Variants in PFKP observed in about 807,000 individuals in gnomAD.
The protein encoded by PFKP is phosphofructokinase, platelet.
In PFKP, 101 loss-of-function variants were observed where a neutral mutation model predicts 94.3. The observed-to-expected ratio is 1.07, with a 90% confidence interval of 0.91 to 1.26. The LOEUF is 1.26. Ranked by LOEUF, PFKP falls within the 50% of genes most tolerant of loss-of-function variation. The pLI, the probability that PFKP is intolerant of heterozygous loss-of-function variation, is 0.00. For synonymous variants in PFKP, 573 were observed against 432.6 expected, an observed-to-expected ratio of 1.32 and a Z score of -4.03; for missense variants, 1,145 against 1,103.3, an observed-to-expected ratio of 1.04 and a Z score of -0.53.
At chr10:3,079,275 C>G (rs576505590) in intron 1 of PFKP, among the ~76,000 whole-genome samples, 1 of 152,024 alleles carries the variant, frequency 6.6e-6, no homozygotes, top group South Asian at 2.1e-4. Context: ...CGCTCTGTCG[C>G]CCAGGCTGGA....
chr10:3,071,771 T>C (rs1048691402), intron 1 of PFKP, among the ~76,000 whole-genome samples: 5 of 152,206 alleles, frequency 3.3e-5, no homozygotes, highest in African/African-American at 1.2e-4. Flanking sequence ...ACAGTATTTA[T>C]AGAAAGTCCA....
At position 3,129,541 on chromosome 10, in the gene PFKP, G is replaced by T. The variant is rs1838317242; in HGVS notation, c.1684-278G>T. On this transcript the variant is annotated intron_variant, in intron 16 of 21. Coordinates refer to ENST00000381125, the MANE Select transcript of PFKP (RefSeq NM_002627.5). The stretch of plus-strand genomic sequence containing the variant: ...GTCGTCTTTTCCGTCCCCTTCTATG[G>T]GGCCTGGGAGAAGGGAGCGGCAGAT... The T allele has an allele frequency of 9.0e-6, 4 of 443,474 alleles. No homozygotes were observed. In the South Asian group the frequency reaches 1.1e-4, roughly 13 times the overall value. The allele number at this position is 443,474 out of a possible 1,614,324, so 27.5% of individuals were successfully genotyped here.
intron 2 of PFKP, among the ~76,000 whole-genome samples, chr10:3,095,089 A>C (rs1588445425): frequency 6.6e-6 from 1 of 152,318 alleles, no homozygotes; most frequent in East Asian, 1.9e-4. Flanking sequence ...GATTGGAAAA[A>C]AGCATTATCC....
At chr10:3,116,155 C>T (rs1480021918) in intron 13 of PFKP, among the ~76,000 whole-genome samples, 3 of 150,374 alleles carry the variant, frequency 2.0e-5, no homozygotes, top group Non-Finnish European at 4.4e-5. Flanking sequence ...TATACATACA[C>T]ACCTTGTACA....
chr10:3,112,313 C>T (rs1338633648), intron 11 of PFKP, 27 bp downstream of exon 11: 5 of 1,584,116 alleles, frequency 3.2e-6, no homozygotes, highest in Non-Finnish European at 4.3e-6. Context: ...AAAGCTCTGC[C>T]CTGTCAGGAA....
intron 16 of PFKP, among the ~76,000 whole-genome samples, chr10:3,127,109 G>GGCC (rs757738718): frequency 1.3e-5 from 2 of 152,256 alleles, no homozygotes; most frequent in Non-Finnish European, 2.9e-5. Context: ...CCTGAGGCAC[G>GGCC]GCCGGAGTGA....
Position 3,103,841 on chromosome 10 carries a change from T to C in PFKP, c.517T>C (p.Ser173Pro). The change falls in exon 5 of 22, where the codon TCC becomes CCC. Residue 173 changes from serine to proline, a missense_variant. Physicochemically the swap from Ser to Pro is moderately conservative, Grantham distance 74 (BLOSUM62 -1). Transcript: ENST00000381125. ...AYLNVVGMVGSIDNDFCGTDM... is the reference protein window; with the variant it reads ...AYLNVVGMVGPIDNDFCGTDM... ...CCTCAACGTGGTGGGCATGGTGGGC[T>C]CCATCGACAATGATTTCTGCGGCAC... 1.2e-6 allele frequency: 2 copies of C among 1,613,978 alleles called. No homozygotes were observed. The highest frequency in any genetic ancestry group is 1.7e-5 in the Admixed American group (1 of 60,028).
Position 3,112,089 on chromosome 10 carries a change from C to T in PFKP, c.1090-133C>T, listed in dbSNP as rs965806825. ...GGCGGCCGGTCGTCTAGACCATTAA[C>T]CCTGGGGCTGCTGGCTGCCCGGGTC... On this transcript the variant is annotated intron_variant, in intron 10 of 21. Transcript: ENST00000381125. The T allele has an allele frequency of 4.5e-5, 33 of 737,554 alleles. No homozygotes were observed. In the African/African-American group the frequency reaches 5.1e-4, roughly 12 times the overall value. 45.7% of individuals were successfully genotyped at this position (737,554 alleles called of 1,614,324 possible).
chr10:3,076,005 G>A (rs867922171), intron 1 of PFKP, among the ~76,000 whole-genome samples: 11 of 112,944 alleles, frequency 9.7e-5, no homozygotes, highest in Middle Eastern at 7.6e-3. Context: ...GCGACAGAGC[G>A]AGACTCCGTC....
At chr10:3,104,014 G>T in intron 5 of PFKP, 70 bp downstream of exon 5, 1 of 1,452,218 alleles carries the variant, frequency 6.9e-7, no homozygotes, top group African/African-American at 1.4e-5. Flanking sequence ...ACGTTACCAC[G>T]GGCTCTAGAA....
intron 8 of PFKP, chr10:3,107,759 C>CT: frequency 1.0e-6 from 1 of 981,368 alleles, no homozygotes. Context: ...TACAAAGCCA[C>CT]TGTGTCCTCG....
intron 4 of PFKP, among the ~76,000 whole-genome samples, chr10:3,102,229 C>A (rs112568925): frequency 2.0e-5 from 2 of 99,542 alleles, no homozygotes; most frequent in East Asian, 3.1e-4. Flanking sequence ...CCAGCCTGGG[C>A]GACAGAGCGA....
chr10:3,082,211 G>A (rs1220472894), intron 1 of PFKP, among the ~76,000 whole-genome samples, 177 bp from the exon 2 acceptor site: 1 of 151,990 alleles, frequency 6.6e-6, no homozygotes, highest in Non-Finnish European at 1.5e-5. Flanking sequence ...CTTGCGTTAC[G>A]TTGGCTGTTT....
intron 2 of PFKP, among the ~76,000 whole-genome samples, chr10:3,096,874 C>T (rs1302788610): frequency 6.3e-5 from 8 of 126,750 alleles, no homozygotes; most frequent in Non-Finnish European, 8.8e-5. Context: ...GTCAGGAGAT[C>T]GAGACCATCC....
Position 3,135,817 on chromosome 10 carries a change from TGAA to T in PFKP, c.2209_2211del (p.Lys737del). The T allele has an allele frequency of 6.2e-7, 1 of 1,612,358 alleles. No individual in the cohort carries two copies. The stretch of plus-strand genomic sequence containing the variant: ...GTTATTTTTCAACCTGTGGCAGAGC[TGAA>T]GAAGCAAACGGATTTTGAGTAAGTT... On this transcript the variant is annotated inframe_deletion, in exon 21 of 22. Coordinates refer to ENST00000381125, the MANE Select transcript of PFKP (RefSeq NM_002627.5).
chr10:3,130,119 T>TA lies in PFKP; in HGVS notation c.1848+137dup. 6 of 763,270 alleles carry TA rather than the reference T, an allele frequency of 7.9e-6. No homozygotes were observed. In the South Asian group the frequency reaches 1.2e-4, roughly 15 times the overall value. The allele number at this position is 763,270 out of a possible 1,614,324, so 47.3% of individuals were successfully genotyped here. A position where few individuals can be genotyped will look rare whatever the true frequency, so the allele number is the denominator to read the frequency against. On this transcript the variant is annotated intron_variant, in intron 17 of 21. Coordinates refer to ENST00000381125, the MANE Select transcript of PFKP (RefSeq NM_002627.5). The stretch of plus-strand genomic sequence containing the variant: ...ATGCTACAGAACATGCCACGCTTGA[T>TA]ACACTTCGCATCGCCCAGGTGCCCC...
chr10:3,136,139 C>T (rs1365854726), intron 21 of PFKP, among the ~76,000 whole-genome samples: 2 of 152,288 alleles, frequency 1.3e-5, no homozygotes, highest in South Asian at 4.2e-4. Flanking sequence ...TGATGCACAC[C>T]TGTAGTCCCA....
chr10:3,070,778 G>A (rs1832121749), intron 1 of PFKP, among the ~76,000 whole-genome samples: 1 of 152,096 alleles, frequency 6.6e-6, no homozygotes, highest in Non-Finnish European at 1.5e-5. Flanking sequence ...TGTCACCCAG[G>A]CCAGAGTGTA....
At chr10:3,120,073 G>T in intron 16 of PFKP, 29 bp downstream of exon 16, 1 of 1,611,606 alleles carries the variant, frequency 6.2e-7, no homozygotes, top group East Asian at 2.2e-5. Flanking sequence ...TGCCAGGCGG[G>T]CGCCGGCTGA....
Sources: allele counts gnomAD v4.1 joint callset (sites outside exome capture counted in the v4.1 genomes callset), GRCh38; gene constraint gnomAD v4.1.1; transcripts MANE v1.5; gene names NCBI Gene and HGNC (gene_info 2026-07-23, HGNC 2026-07-21).